Variants in KLHL10 observed in about 807,000 individuals in gnomAD.
The protein encoded by KLHL10 is kelch like family member 10, also known as kelch-like protein 10.
Under a neutral mutation model 46.6 loss-of-function variants are expected in KLHL10, and 11 were observed. The observed-to-expected ratio is 0.24, with a 90% CI of 0.15 to 0.39. The LOEUF is 0.39. KLHL10 is among the 10% of genes least tolerant of loss of function. The pLI is 1.00. For missense variants in KLHL10, 475 were observed against 789.8 expected, an observed-to-expected ratio of 0.60 and a Z score of 4.78; for synonymous variants, 254 against 279.1, an observed-to-expected ratio of 0.91 and a Z score of 0.90.
At chr17:41,844,257 G>A (rs2048258145) in intron 2 of KLHL10, among the ~76,000 whole-genome samples, 1 of 150,526 alleles carries the variant, frequency 6.6e-6, no homozygotes, top group African/African-American at 2.4e-5. Context: ...TTGAGTTGGA[G>A]TCTAGCTCTG....
upstream of KLHL10, chr17:41,836,017 C>T (rs2048149517): frequency 6.8e-7 from 1 of 1,465,610 alleles, no homozygotes; most frequent in Non-Finnish European, 9.1e-7. Flanking sequence ...GAGGGGAGCC[C>T]GGGGCTCGCT....
At chr17:41,836,178 T>C, upstream of KLHL10, 2 of 1,283,392 alleles carry the variant, frequency 1.6e-6, no homozygotes, top group Non-Finnish European at 2.0e-6. Context: ...TCCTCCCTCC[T>C]CACCTCCTCT....
At chr17:41,837,657 C>A, upstream of KLHL10, 1 of 1,161,994 alleles carries the variant, frequency 8.6e-7, no homozygotes, top group Non-Finnish European at 1.1e-6. Context: ...GTTTTGGGTT[C>A]AAGGACACAG....
chr17:41,845,514 G>A lies in KLHL10; in HGVS notation c.1073G>A (p.Arg358His), dbSNP rs1555621275. The A allele has an allele frequency of 3.7e-6, 6 of 1,614,186 alleles. No individual in the cohort carries two copies. The highest frequency in any genetic ancestry group is 1.7e-5 in the Admixed American group (1 of 60,024). Residue 358 changes from arginine to histidine, a missense_variant, in exon 3 of 5, where the codon CGT becomes CAT. Physicochemically the swap from Arg to His is conservative, Grantham distance 29. Transcript: ENST00000293303. ...GTAGACTATTTCAATAGTGTTAAGC[G>A]TTTTGACCCAGTCAAGAAAACTTGG... The part of the protein sequence containing the change: ...DSVDYFNSVK[R>H]FDPVKKTWHQ...
At chr17:41,838,729 C>T (rs1468470979) in intron 1 of KLHL10, among the ~76,000 whole-genome samples, 4 of 148,510 alleles carry the variant, frequency 2.7e-5, no homozygotes, top group Admixed American at 2.0e-4. Flanking sequence ...CATTCTGTTA[C>T]CCAGGCTGGA....
rs782014745 is a variant in KLHL10 at position 41,848,190 on chromosome 17, T to C, written c.1710T>C (p.Cys570=). The C allele has an allele frequency of 1.2e-6, 2 of 1,614,154 alleles. No individual in the cohort carries two copies. Among genetic ancestry groups the C allele is most frequent in the East Asian group, 4.5e-5 (2 of 44,876 alleles). Residue 570 remains cysteine, a synonymous_variant, in exon 5 of 5, where the codon TGT becomes TGC. Coordinates refer to ENST00000293303, the MANE Select transcript of KLHL10 (RefSeq NM_152467.5). ...MSIYRSALSC[C]VVPGLANVEE... ...TATACCGCAGTGCTCTGAGCTGCTGTGTAGTACCAGGGCTGGCCAATGTTG... is the reference window on the plus strand; with the variant it reads ...TATACCGCAGTGCTCTGAGCTGCTGCGTAGTACCAGGGCTGGCCAATGTTG...
Position 41,842,235 on chromosome 17 carries a change from G to GT in KLHL10, c.608dup (p.Phe204IlefsTer2). 1 of 1,614,144 alleles carries GT rather than the reference G, an allele frequency of 6.2e-7. No homozygotes were observed. Among genetic ancestry groups the GT allele is most frequent in the Non-Finnish European group, 8.5e-7 (1 of 1,180,028 alleles). On this transcript the variant is annotated frameshift_variant, in exon 2 of 5. Transcript: ENST00000293303. LOFTEE classifies it high-confidence loss of function. ...GCTCAATGTCAAACAGGAAGATGCTGTATTTGAGGCCATTTTAAAGTGGAT... is the reference window on the plus strand; with the variant it reads ...GCTCAATGTCAAACAGGAAGATGCTGTTATTTGAGGCCATTTTAAAGTGGAT...
intron 2 of KLHL10, among the ~76,000 whole-genome samples, chr17:41,843,370 T>G (rs782750744): frequency 4.0e-5 from 6 of 151,842 alleles, no homozygotes; most frequent in Non-Finnish European, 8.8e-5. Flanking sequence ...CTAGGTATGG[T>G]GGTGCATGCC....
chr17:41,844,263 C>T (rs1231284717), intron 2 of KLHL10, among the ~76,000 whole-genome samples: 1 of 151,222 alleles, frequency 6.6e-6, no homozygotes, highest in Non-Finnish European at 1.5e-5. Flanking sequence ...TGGAGTCTAG[C>T]TCTGTTGCCC....
intron 1 of KLHL10, 97 bp from the exon 2 acceptor site, chr17:41,841,726 C>G (rs2048228130): frequency 7.1e-7 from 1 of 1,412,326 alleles, no homozygotes; most frequent in African/African-American, 1.4e-5. Context: ...CTGTATATAG[C>G]ACATGCCTGC....
chr17:41,842,457 C>T (rs1312628093), intron 2 of KLHL10, 145 bp downstream of exon 2: 16 of 992,224 alleles, frequency 1.6e-5, no homozygotes, highest in South Asian at 1.0e-4. Flanking sequence ...CTGTCTTTTC[C>T]CTTGGCATTA....
At chr17:41,847,640 G>A (rs1223408579) in intron 4 of KLHL10, among the ~76,000 whole-genome samples, 4 of 152,004 alleles carry the variant, frequency 2.6e-5, no homozygotes, top group African/African-American at 9.7e-5. Flanking sequence ...CGAGCAGCTG[G>A]GACTACCGGC....
In KLHL10 at chr17:41,841,895, G is replaced by T; in HGVS notation, c.267G>T (p.Met89Ile). 2.5e-6 allele frequency: 4 copies of T among 1,614,170 alleles called. No individual in the cohort carries two copies. Among genetic ancestry groups the T allele is most frequent in the East Asian group, 2.2e-5 (1 of 44,888 alleles). Residue 89 changes from methionine to isoleucine, a missense_variant, in exon 2 of 5, where the codon ATG becomes ATT. Physicochemically the swap from Met to Ile is conservative, Grantham distance 10. Coordinates refer to ENST00000293303, the MANE Select transcript of KLHL10 (RefSeq NM_152467.5). The stretch of plus-strand genomic sequence containing the variant: ...ACATCCCTGGCATTTCTCCCGACAT[G>T]ATGAAGCTAATCATTGAGTATGCAT... ...VYNIPGISPD[M>I]MKLIIEYAYT...
Position 41,842,309 on chromosome 17 carries a change from T to C in KLHL10, c.681T>C (p.Pro227=), listed in dbSNP as rs1555620841. Residue 227 remains proline, a synonymous_variant, in exon 2 of 5, where the codon CCT becomes CCC. Transcript: ENST00000293303. ...NRKQHISILL[P]KVRLALMHAE... ...AGCAGCACATTTCAATTTTGCTTCC[T>C]AAGGTCAGTGTTCACTCTTGATTCA... is the stretch of plus-strand genomic sequence containing the variant. The C allele has an allele frequency of 6.2e-7, 1 of 1,613,838 alleles. No individual in the cohort carries two copies. Among genetic ancestry groups the C allele is most frequent in the Admixed American group, 1.7e-5 (1 of 60,016 alleles).
rs368540358 is a variant in KLHL10 at position 41,837,953 on chromosome 17, G to A, written c.21G>A (p.Ala7=). The A allele has an allele frequency of 4.2e-5, 68 of 1,613,990 alleles. No individual in the cohort carries two copies. In the African/African-American group the frequency reaches 5.2e-4, roughly 12 times the overall value. The change falls in exon 1 of 5, where the codon GCG becomes GCA. Residue 7 remains alanine (A), a synonymous_variant. Coordinates refer to ENST00000293303, the MANE Select transcript of KLHL10 (RefSeq NM_152467.5). MEMESA[A]ASTRFHQPHM... The stretch of plus-strand genomic sequence containing the variant: ...GTGCCATGGAGATGGAGAGCGCGGC[G>A]GCCTCCACACGTTTCCACCAGCCTC...
upstream of KLHL10, chr17:41,837,712 G>C (rs532675061): frequency 1.6e-6 from 2 of 1,282,092 alleles, no homozygotes; most frequent in Non-Finnish European, 1.0e-6. Flanking sequence ...GTGGTAAGGA[G>C]GGGAGAAGGA....
intron 1 of KLHL10, among the ~76,000 whole-genome samples, chr17:41,841,012 C>T (rs1318795996): frequency 3.3e-5 from 5 of 151,918 alleles, no homozygotes; most frequent in African/African-American, 9.7e-5. Flanking sequence ...TGGTGGCACA[C>T]ACCTATAATC....
intron 4 of KLHL10, 117 bp from the exon 5 acceptor site, chr17:41,847,816 T>C: frequency 6.9e-7 from 1 of 1,450,590 alleles, no homozygotes. Flanking sequence ...AAAAGCTTTT[T>C]TTCATGGAAG....
At chr17:41,847,438 C>T (rs75379794) in intron 4 of KLHL10, 28 bp downstream of exon 4, 3 of 1,609,040 alleles carry the variant, frequency 1.9e-6, no homozygotes, top group African/African-American at 1.3e-5. Context: ...CACACACACA[C>T]AAAAAACACA....
Sources: allele counts gnomAD v4.1 joint callset (sites outside exome capture counted in the v4.1 genomes callset), GRCh38; gene constraint gnomAD v4.1.1; transcripts MANE v1.5; gene names NCBI Gene and HGNC (gene_info 2026-07-23, HGNC 2026-07-21).